JAK2: variants seen among roughly 807,000 people sequenced by gnomAD.
JAK2 encodes the protein Janus kinase 2.
Under a neutral mutation model 139.3 loss-of-function variants are expected in JAK2, and 86 were observed. That is an observed-to-expected ratio of 0.62 (90% confidence interval 0.52 to 0.74). The LOEUF is 0.74. Ranked by LOEUF, JAK2 falls within the 30% of genes least tolerant of loss-of-function variation. The pLI, the probability that JAK2 is intolerant of heterozygous loss-of-function variation, is 0.00. For missense variants in JAK2, 1,421 were observed against 1,360.3 expected (o/e 1.04, Z -0.70); for synonymous variants, 490 against 437.7 (o/e 1.12, Z -1.49).
chr9:5,041,028 C>A, intron 4 of JAK2: 1 of 669,676 alleles, frequency 1.5e-6, no homozygotes. Context: ...ACCTGGGTAC[C>A]GGTTCTACAA....
chr9:5,075,639 TG>T (rs1321814409), intron 14 of JAK2, among the ~76,000 whole-genome samples: 2 of 152,324 alleles, frequency 1.3e-5, no homozygotes, highest in East Asian at 1.9e-4. Context: ...AAAGTATTAC[TG>T]ATCATTGACA....
intron 17 of JAK2, 44 bp from the exon 18 acceptor site, chr9:5,080,489 G>T: frequency 6.5e-7 from 1 of 1,544,252 alleles, no homozygotes; most frequent in South Asian, 1.2e-5. Context: ...AGGTTGGTGT[G>T]GCATTACACA....
chr9:5,113,731 G>A (rs960755252), intron 22 of JAK2: 4 of 165,242 alleles, frequency 2.4e-5, no homozygotes, highest in African/African-American at 4.8e-5. Flanking sequence ...CCACCCTCAC[G>A]CCCTCTGGCC....
chr9:5,057,875 C>G (rs1334853974), intron 8 of JAK2, among the ~76,000 whole-genome samples: 1 of 152,102 alleles, frequency 6.6e-6, no homozygotes, highest in African/African-American at 2.4e-5. Flanking sequence ...GCCACTGTGC[C>G]CAGCCCCTCT....
chr9:4,993,979 G>T (rs1490960114), intron 2 of JAK2, among the ~76,000 whole-genome samples: 1 of 152,126 alleles, frequency 6.6e-6, no homozygotes, highest in South Asian at 2.1e-4. Context: ...CCTTGCAGTG[G>T]GTGATGTCCT....
At chr9:5,060,771 C>T (rs558785809) in intron 8 of JAK2, among the ~76,000 whole-genome samples, 1 of 152,322 alleles carries the variant, frequency 6.6e-6, no homozygotes, top group Non-Finnish European at 1.5e-5. Context: ...GATGTTCTTC[C>T]TGGCATCAAG....
At chr9:5,079,713 T>C (rs564031008) in intron 16 of JAK2, among the ~76,000 whole-genome samples, 2 of 152,132 alleles carry the variant, frequency 1.3e-5, no homozygotes, top group Admixed American at 1.3e-4. Flanking sequence ...GCTGATTGCT[T>C]CCTAAAGCGC....
At chr9:5,087,549 G>C (rs943540450) in intron 19 of JAK2, among the ~76,000 whole-genome samples, 11 of 152,050 alleles carry the variant, frequency 7.2e-5, no homozygotes, top group South Asian at 4.1e-4. Context: ...TCTTTTCGCT[G>C]TATTTTTCTT....
At position 5,112,769 on chromosome 9, in the gene JAK2, G is replaced by A. The variant is rs1034173306; in HGVS notation, c.3060-10235G>A. On this transcript the variant is annotated intron_variant, in intron 22 of 24. Transcript: ENST00000381652. ...ACGGCGAGAAGAGAAGGTGTCGCGC[G>A]TGTTCGGAGGCCCCCAGATGGTGCT... The A allele has an allele frequency of 3.0e-5, 18 of 601,274 alleles. 1 individual carries two copies. Among genetic ancestry groups the A allele is most frequent in the Admixed American group, 2.2e-4 (6 of 26,936 alleles). The allele number at this position is 601,274 out of a possible 1,614,324, so 37.2% of individuals were successfully genotyped here.
chr9:5,060,690 A>G (rs1225857980), intron 8 of JAK2, among the ~76,000 whole-genome samples: 1 of 152,200 alleles, frequency 6.6e-6, no homozygotes, highest in African/African-American at 2.4e-5. Context: ...AAAGTCATCC[A>G]TGAGGGTTGG....
intron 2 of JAK2, among the ~76,000 whole-genome samples, chr9:4,996,531 TA>T (rs1820571233): frequency 6.6e-6 from 1 of 152,126 alleles, no homozygotes; most frequent in African/African-American, 2.4e-5. Flanking sequence ...ATGTATAATT[TA>T]TTTTTTTAAA....
At position 5,015,728 on chromosome 9, in the gene JAK2, G is replaced by A. The variant is rs577615556; in HGVS notation, c.-25-6235G>A. Among the ~76,000 whole-genome samples, 5 of 151,834 alleles carry A rather than the reference G, an allele frequency of 3.3e-5. No homozygotes were observed. The East Asian group carries it at 5.8e-4, about 18-fold the overall frequency. ...TCACTTATTCTTTTGATTCTTTTTC[G>A]TAGCAAAGCATCAATGCATTTTCTA... On this transcript the variant is annotated intron_variant, in intron 2 of 24. Coordinates refer to ENST00000381652, the MANE Select transcript of JAK2 (RefSeq NM_004972.4).
At chr9:5,098,938 C>G (rs888620191) in intron 22 of JAK2, 1 of 152,184 alleles carries the variant, frequency 6.6e-6, no homozygotes, top group African/African-American at 2.4e-5. Flanking sequence ...TTGTGTTCCA[C>G]CCACTTCAGC....
At chr9:4,984,746 G>C (rs1013437309), upstream of JAK2, 2 of 152,348 alleles carry the variant, frequency 1.3e-5, no homozygotes, top group Non-Finnish European at 2.9e-5. Context: ...TGCAGGCTGC[G>C]CGCTGGGGAG....
chr9:5,105,578 T>C (rs887504471), intron 22 of JAK2, among the ~76,000 whole-genome samples: 14 of 152,144 alleles, frequency 9.2e-5, no homozygotes, highest in African/African-American at 3.1e-4. Flanking sequence ...CAAGTTCATA[T>C]GGAACCAAAA....
intron 2 of JAK2, among the ~76,000 whole-genome samples, chr9:5,005,396 C>G (rs1199444434): frequency 6.6e-6 from 1 of 151,850 alleles, no homozygotes; most frequent in East Asian, 1.9e-4. Flanking sequence ...AATATTTTCT[C>G]CTGTTTTATA....
At chr9:5,021,338 C>G (rs1402670630) in intron 2 of JAK2, among the ~76,000 whole-genome samples, 1 of 152,222 alleles carries the variant, frequency 6.6e-6, no homozygotes, top group Admixed American at 6.5e-5. Context: ...CTGGACCCCT[C>G]TTCCCCCAAT....
chr9:5,033,437 G>A (rs1429855984), intron 4 of JAK2, among the ~76,000 whole-genome samples: 2 of 152,150 alleles, frequency 1.3e-5, no homozygotes, highest in South Asian at 2.1e-4. Context: ...ACACATAATT[G>A]TCAGATTCAC....
At chr9:5,094,030 T>C (rs1441489521) in intron 22 of JAK2, 2 of 152,188 alleles carry the variant, frequency 1.3e-5, no homozygotes, top group African/African-American at 4.8e-5. Context: ...TTTCTTAAGA[T>C]GGCGGAGCCT....
Sources: allele counts gnomAD v4.1 joint callset (sites outside exome capture counted in the v4.1 genomes callset), GRCh38; gene constraint gnomAD v4.1.1; transcripts MANE v1.5; gene names NCBI Gene and HGNC (gene_info 2026-07-23, HGNC 2026-07-21).